The following SGCD variants were observed in gnomAD, a reference collection of about 807,000 sequenced individuals.
SGCD encodes the protein delta-sarcoglycan.
Under a neutral mutation model 36.6 loss-of-function variants are expected in SGCD, and 18 were observed. That is an observed-to-expected ratio of 0.49 (90% CI 0.34 to 0.73). The LOEUF is 0.73. SGCD is among the 30% of genes least tolerant of loss of function. SGCD has a pLI of 0.01. For synonymous variants in SGCD, 133 were observed against 130.6 expected, an observed-to-expected ratio of 1.02 and a Z score of -0.12; for missense variants, 387 against 346.7, an observed-to-expected ratio of 1.12 and a Z score of -0.92.
chr5:156,686,672 A>G (rs1753916830), intron 7 of SGCD, among the ~76,000 whole-genome samples: 1 of 152,168 alleles, frequency 6.6e-6, no homozygotes, highest in South Asian at 2.1e-4. Context: ...CTGATTATTA[A>G]ATTTCCTTTA....
intron 3 of SGCD, among the ~76,000 whole-genome samples, chr5:156,499,246 C>T (rs780135587): frequency 3.9e-5 from 6 of 152,074 alleles, no homozygotes; most frequent in African/African-American, 7.2e-5. Context: ...CTTTGTCTAA[C>T]GCGTATGGAA....
At chr5:156,653,960 G>A (rs891475695) in intron 7 of SGCD, among the ~76,000 whole-genome samples, 2 of 152,094 alleles carry the variant, frequency 1.3e-5, no homozygotes, top group Non-Finnish European at 1.5e-5. Context: ...TTCAGTGGTA[G>A]CAAAATGGAG....
chr5:156,259,872 T>C (rs1386777384), intron 3 of SGCD, among the ~76,000 whole-genome samples: 2 of 152,160 alleles, frequency 1.3e-5, no homozygotes, highest in Non-Finnish European at 2.9e-5. Flanking sequence ...TTTGTCATGT[T>C]ATGAGGTTGC....
chr5:156,227,122 T>G (rs1323874149), intron 3 of SGCD, among the ~76,000 whole-genome samples: 1 of 152,200 alleles, frequency 6.6e-6, no homozygotes, highest in Non-Finnish European at 1.5e-5. Context: ...GCTATATATC[T>G]TTGTTTTATT....
At chr5:155,765,727 A>AC in the SGCD span, among the ~76,000 whole-genome samples, 4 of 152,196 alleles carry the variant, frequency 2.6e-5, no homozygotes, top group Non-Finnish European at 5.9e-5. Flanking sequence ...AATTAAAAAA[A>AC]CAAAAACAAT....
chr5:156,307,155 C>A (rs563875073), intron 3 of SGCD, among the ~76,000 whole-genome samples: 42 of 151,806 alleles, frequency 2.8e-4, no homozygotes, highest in Non-Finnish European at 5.0e-4. Context: ...AATCCTTCCA[C>A]CTCAGCCTCC....
At chr5:156,539,591 AT>A (rs1758268778) in intron 4 of SGCD, among the ~76,000 whole-genome samples, 1 of 152,142 alleles carries the variant, frequency 6.6e-6, no homozygotes, top group South Asian at 2.1e-4. Context: ...ACATTATTTC[AT>A]TCATTTTTAT....
At chr5:156,634,869 A>G (rs767704475) in intron 6 of SGCD, among the ~76,000 whole-genome samples, 2 of 152,160 alleles carry the variant, frequency 1.3e-5, no homozygotes, top group African/African-American at 2.4e-5. Context: ...ATGTTTTAAA[A>G]AATTACTAAG....
intron 3 of SGCD, among the ~76,000 whole-genome samples, chr5:156,183,958 G>T (rs1581153425): frequency 6.6e-6 from 1 of 152,092 alleles, no homozygotes; most frequent in South Asian, 2.1e-4. Context: ...TTTCAGTAGG[G>T]TTACATTTTG....
intron 3 of SGCD, among the ~76,000 whole-genome samples, chr5:156,180,779 G>A (rs930678390): frequency 2.0e-5 from 3 of 152,152 alleles, no homozygotes; most frequent in Non-Finnish European, 4.4e-5. Flanking sequence ...TATGGATTTG[G>A]GAGGCACACA....
chr5:155,975,609 CTTTTTTTTTTTTTTTTTTTTTTTTT>C (rs763067309), intron 1 of SGCD, among the ~76,000 whole-genome samples: 3 of 28,008 alleles, frequency 1.1e-4, no homozygotes, highest in Admixed American at 6.0e-4. Flanking sequence ...TCTTTCTTTC[CTTTTTTTTTTTTTTTTTTTTTTTTT>C]TTTTTTTTTT....
At position 156,653,494 on chromosome 5, in the gene SGCD, T is replaced by TTTTTTTTTTTTTTTG. The variant is rs1763551480; in HGVS notation, c.575+5959_575+5973dup. 2.1e-5 allele frequency among the ~76,000 whole-genome samples: 2 copies of TTTTTTTTTTTTTTTG among 93,154 alleles called. 1 individual carries two copies. Among genetic ancestry groups the TTTTTTTTTTTTTTTG allele is most frequent in the African/African-American group, 1.2e-4 (2 of 16,188 alleles). 61.1% of individuals were successfully genotyped at this position (93,154 alleles called of 152,430 possible). On this transcript the variant is annotated intron_variant, in intron 7 of 8. Transcript: ENST00000337851. ...TTTCTTACGTAATTCTAAAGCTTGC[T>TTTTTTTTTTTTTTTG]TTTTTTTTTTTTTTGCCCCTGTTGT...
At chr5:156,735,420 T>A (rs890696586) in intron 7 of SGCD, among the ~76,000 whole-genome samples, 18 of 152,122 alleles carry the variant, frequency 1.2e-4, no homozygotes, top group African/African-American at 3.6e-4. Context: ...TTCAAATCTC[T>A]GTCAGCTGGA....
chr5:155,954,339 A>T (rs767296779), intron 1 of SGCD, among the ~76,000 whole-genome samples: 1 of 152,194 alleles, frequency 6.6e-6, no homozygotes, highest in Non-Finnish European at 1.5e-5. Flanking sequence ...CGACTGAATT[A>T]ATTGCAGAAG....
intron 3 of SGCD, among the ~76,000 whole-genome samples, chr5:156,458,807 CCT>C: frequency 6.6e-6 from 1 of 152,088 alleles, no homozygotes; most frequent in Non-Finnish European, 1.5e-5. Flanking sequence ...CATGGGAGAG[CCT>C]TTGTTAAGTG....
At chr5:156,569,585 T>A (rs1759635021) in intron 4 of SGCD, among the ~76,000 whole-genome samples, 1 of 148,462 alleles carries the variant, frequency 6.7e-6, no homozygotes, top group Admixed American at 6.7e-5. Flanking sequence ...GAGTGCATAT[T>A]GATTTTTTGA....
intron 3 of SGCD, among the ~76,000 whole-genome samples, chr5:156,375,328 A>G (rs1381646478): frequency 1.3e-5 from 2 of 151,802 alleles, no homozygotes; most frequent in Non-Finnish European, 2.9e-5. Context: ...AAATTGCTGT[A>G]ATTCTATTAT....
chr5:156,423,744 C>A (rs1043449749), intron 3 of SGCD, among the ~76,000 whole-genome samples: 5 of 151,834 alleles, frequency 3.3e-5, no homozygotes, highest in African/African-American at 9.7e-5. Flanking sequence ...TTCCTGGGTT[C>A]TTCTCCATGC....
intron 1 of SGCD, among the ~76,000 whole-genome samples, chr5:156,072,801 C>G (rs1464819055): frequency 2.6e-5 from 4 of 152,148 alleles, no homozygotes; most frequent in Non-Finnish European, 5.9e-5. Flanking sequence ...TTCACATAGT[C>G]CCATATTTCT....
Sources: allele counts gnomAD v4.1 joint callset (sites outside exome capture counted in the v4.1 genomes callset), GRCh38; gene constraint gnomAD v4.1.1; transcripts MANE v1.5; gene names NCBI Gene and HGNC (gene_info 2026-07-23, HGNC 2026-07-21).